Variants in GRIP1 observed in about 807,000 individuals in gnomAD.
GRIP1 encodes the protein glutamate receptor-interacting protein 1.
A neutral mutation model predicts 129.9 loss-of-function variants in GRIP1; 45 were observed. The observed-to-expected ratio is 0.35, with a 90% CI of 0.27 to 0.44. The LOEUF (loss-of-function observed/expected upper bound fraction) is 0.44, where lower values mean the gene tolerates loss of function less well. Ranked by LOEUF, GRIP1 falls within the 20% of genes least tolerant of loss-of-function variation. The pLI, the probability that GRIP1 is intolerant of heterozygous loss-of-function variation, is 1.00. For missense variants in GRIP1, 1,196 were observed against 1,396.8 expected, an observed-to-expected ratio of 0.86 and a Z score of 2.29; for synonymous variants, 530 against 520.8, an observed-to-expected ratio of 1.02 and a Z score of -0.24.
chr12:66,826,302 G>A (rs906290878), intron 1 of GRIP1, among the ~76,000 whole-genome samples: 3 of 152,084 alleles, frequency 2.0e-5, no homozygotes, highest in African/African-American at 7.2e-5. Flanking sequence ...GGGCCTGTCA[G>A]GGGATGCGGG....
At chr12:67,052,888 T>A (rs1452376235) in intron 1 of GRIP1, among the ~76,000 whole-genome samples, 1 of 152,188 alleles carries the variant, frequency 6.6e-6, no homozygotes, top group African/African-American at 2.4e-5. Context: ...TCAAATAGTA[T>A]GTTCAAATCT....
At chr12:66,903,591 T>C (rs1177889825) in intron 1 of GRIP1, among the ~76,000 whole-genome samples, 5 of 152,148 alleles carry the variant, frequency 3.3e-5, no homozygotes, top group East Asian at 1.9e-4. Context: ...AGGCTTCTGT[T>C]TGAAGGGGAG....
At chr12:67,032,291 C>T (rs893945643) in intron 1 of GRIP1, among the ~76,000 whole-genome samples, 6 of 152,134 alleles carry the variant, frequency 3.9e-5, no homozygotes, top group African/African-American at 1.4e-4. Flanking sequence ...TTATTCTCCC[C>T]TCATCTTGTT....
chr12:66,533,526 T>C (rs1337957687), intron 4 of GRIP1, among the ~76,000 whole-genome samples: 2 of 152,022 alleles, frequency 1.3e-5, no homozygotes, highest in Non-Finnish European at 2.9e-5. Flanking sequence ...GCACCTGTAA[T>C]CCCAGCTACT....
At chr12:66,630,901 T>C (rs113043225) in intron 1 of GRIP1, among the ~76,000 whole-genome samples, 9 of 152,322 alleles carry the variant, frequency 5.9e-5, no homozygotes, top group African/African-American at 1.7e-4. Context: ...GCTATATTTA[T>C]TGGGATAATT....
chr12:66,881,406 T>A (rs774609273), intron 1 of GRIP1, among the ~76,000 whole-genome samples: 2 of 152,236 alleles, frequency 1.3e-5, no homozygotes, highest in Non-Finnish European at 2.9e-5. Flanking sequence ...TGCAAATTAA[T>A]AAATCTCTGT....
chr12:67,018,386 AC>A (rs1404252033), intron 1 of GRIP1, among the ~76,000 whole-genome samples: 12 of 152,112 alleles, frequency 7.9e-5, no homozygotes, highest in African/African-American at 2.9e-4. Context: ...TCGCACATGC[AC>A]CTTTAGCAAT....
chr12:66,377,168 G>C lies in GRIP1; in HGVS notation c.2733+6C>G. The C allele has an allele frequency of 6.3e-7, 1 of 1,593,596 alleles. No homozygotes were observed. Among genetic ancestry groups the C allele is most frequent in the Non-Finnish European group, 8.6e-7 (1 of 1,161,226 alleles). ...CAATAAAAGTAAGTAGCAGGACCAAGGCTACCTCCAGTTCTCTCAGAATTC... is the reference window on the plus strand; with the variant it reads ...CAATAAAAGTAAGTAGCAGGACCAACGCTACCTCCAGTTCTCTCAGAATTC... On this transcript the variant is annotated splice_donor_region_variant and intron_variant, in intron 21 of 24. Coordinates refer to ENST00000359742, the MANE Select transcript of GRIP1 (RefSeq NM_001366722.1).
At chr12:66,699,409 A>T (rs2035274386) in intron 1 of GRIP1, among the ~76,000 whole-genome samples, 1 of 152,144 alleles carries the variant, frequency 6.6e-6, no homozygotes, top group Admixed American at 6.6e-5. Flanking sequence ...ACCTAGTGGG[A>T]GATAATTGAA....
upstream of GRIP1, among the ~76,000 whole-genome samples, chr12:66,808,285 G>C (rs1385433419): frequency 6.6e-6 from 1 of 151,920 alleles, no homozygotes; most frequent in Non-Finnish European, 1.5e-5. Context: ...TTGTGGTTTT[G>C]TTCTTGGTTT....
chr12:66,808,259 T>C (rs2039034964), upstream of GRIP1, among the ~76,000 whole-genome samples: 2 of 152,086 alleles, frequency 1.3e-5, no homozygotes, highest in Non-Finnish European at 2.9e-5. Context: ...ACATTTTGTT[T>C]GGCTCACATG....
At chr12:66,804,929 A>T (rs2038958939), upstream of GRIP1, among the ~76,000 whole-genome samples, 1 of 152,186 alleles carries the variant, frequency 6.6e-6, no homozygotes, top group Non-Finnish European at 1.5e-5. Flanking sequence ...AAGGCTCAGC[A>T]GCTGCTTTCA....
At chr12:66,796,308 G>GA (rs1190122653) in intron 1 of GRIP1, among the ~76,000 whole-genome samples, 2 of 148,316 alleles carry the variant, frequency 1.3e-5, no homozygotes, top group South Asian at 2.1e-4. Context: ...TTATTCCTAG[G>GA]AAAAAATGGA....
At chr12:66,611,930 A>C (rs749191105) in intron 1 of GRIP1, among the ~76,000 whole-genome samples, 26 of 152,174 alleles carry the variant, frequency 1.7e-4, no homozygotes, top group Non-Finnish European at 3.8e-4. Context: ...TTTTGTAGAG[A>C]GAGAACATGG....
chr12:66,917,983 G>C (rs1382246523), intron 1 of GRIP1, among the ~76,000 whole-genome samples: 2 of 151,838 alleles, frequency 1.3e-5, no homozygotes, highest in African/African-American at 4.8e-5. Context: ...CACGGAGAGA[G>C]AGAGAGAGAG....
chr12:66,624,662 T>C (rs2065410472), intron 1 of GRIP1, among the ~76,000 whole-genome samples: 1 of 152,186 alleles, frequency 6.6e-6, no homozygotes, highest in South Asian at 2.1e-4. Context: ...TCATACCTCT[T>C]ACCCCTTTTA....
chr12:66,868,543 T>C (rs974732343), intron 1 of GRIP1, among the ~76,000 whole-genome samples: 2 of 151,968 alleles, frequency 1.3e-5, no homozygotes, highest in African/African-American at 4.8e-5. Context: ...CCAGAGATTT[T>C]TTACTCCAAA....
chr12:66,744,595 T>C (rs2036888065), intron 1 of GRIP1, among the ~76,000 whole-genome samples: 1 of 152,154 alleles, frequency 6.6e-6, no homozygotes, highest in Non-Finnish European at 1.5e-5. Flanking sequence ...GCTAAACTCA[T>C]TGCAGACCTC....
At position 66,819,979 on chromosome 12, in the gene GRIP1, A is replaced by C. The variant is rs201154130; in HGVS notation, c.59-223052T>G. ...GTGTAGATAAGCCTGAAAGATAAAA[A>C]CTCCAGGGAGACTCAGTTATCTGGA... On this transcript the variant is annotated intron_variant, in intron 1 of 1. Transcript: ENST00000643019. Among the ~76,000 whole-genome samples, 44 of 151,844 alleles carry C rather than the reference A, an allele frequency of 2.9e-4. 1 individual carries two copies. The East Asian group carries it at 5.8e-3, about 20-fold the overall frequency.
Sources: gnomAD v4.1 joint callset for allele counts (sites outside exome capture counted in the v4.1 genomes callset) on GRCh38, gnomAD v4.1.1 for gene constraint, MANE v1.5 for transcripts, NCBI Gene and HGNC (gene_info 2026-07-23, HGNC 2026-07-21) for gene names.